LOC400499: variants seen among roughly 807,000 people sequenced by gnomAD.
chr16:11,438,220 A>T, the LOC400499 span, among the ~76,000 whole-genome samples: 1 of 152,344 alleles, frequency 6.6e-6, no homozygotes, highest in South Asian at 2.1e-4. Flanking sequence ...AATGGTTAAT[A>T]TGATGACATT....
the LOC400499 span, among the ~76,000 whole-genome samples, chr16:11,490,892 C>T: frequency 6.6e-6 from 1 of 152,186 alleles, no homozygotes; most frequent in Non-Finnish European, 1.5e-5. Context: ...GGAAGGAAGA[C>T]TAATTTTCCA....
At chr16:11,430,615 A>T in the LOC400499 span, among the ~76,000 whole-genome samples, 8 of 152,358 alleles carry the variant, frequency 5.3e-5, no homozygotes, top group African/African-American at 1.7e-4. Context: ...GGGAAATGTA[A>T]AATGTTAGTA....
At chr16:11,435,632 C>A in the LOC400499 span, 3 of 399,304 alleles carry the variant, frequency 7.5e-6, no homozygotes, top group Admixed American at 1.3e-4. Context: ...GGTCTCCCTG[C>A]CTCCTCGCAG....
the LOC400499 span, chr16:11,477,934 G>A: frequency 1.3e-5 from 5 of 398,890 alleles, no homozygotes; most frequent in Non-Finnish European, 1.3e-5. Context: ...GGGCAGGAAG[G>A]CCAGACACGG....
chr16:11,400,910 G>GC, the LOC400499 span, among the ~76,000 whole-genome samples: 1 of 151,988 alleles, frequency 6.6e-6, no homozygotes. Context: ...CACACCCGAG[G>GC]CCCCCCAGCC....
At chr16:11,463,825 A>C in the LOC400499 span, among the ~76,000 whole-genome samples, 1 of 152,146 alleles carries the variant, frequency 6.6e-6, no homozygotes, top group African/African-American at 2.4e-5. Context: ...GTGTGTATGG[A>C]CGTGTGTTTA....
chr16:11,512,712 T>C, the LOC400499 span, among the ~76,000 whole-genome samples: 2 of 152,158 alleles, frequency 1.3e-5, no homozygotes, highest in Non-Finnish European at 2.9e-5. Flanking sequence ...TTGTATGGTA[T>C]GTGAATTCTC....
chr16:11,488,156 G>C, the LOC400499 span, among the ~76,000 whole-genome samples: 1 of 151,336 alleles, frequency 6.6e-6, no homozygotes, highest in Non-Finnish European at 1.5e-5. Flanking sequence ...CCCGCCTCTT[G>C]GTGTACAGTA....
At chr16:11,476,182 A>G in the LOC400499 span, among the ~76,000 whole-genome samples, 1 of 151,596 alleles carries the variant, frequency 6.6e-6, no homozygotes, top group African/African-American at 2.4e-5. Flanking sequence ...AGGGGCAGGG[A>G]ACAGGGGCAG....
chr16:11,432,420 T>A, the LOC400499 span, among the ~76,000 whole-genome samples: 3 of 152,136 alleles, frequency 2.0e-5, no homozygotes, highest in African/African-American at 7.2e-5. Context: ...GCCCTGTGAG[T>A]TTTGAGAATA....
chr16:11,376,373 T>C, the LOC400499 span, among the ~76,000 whole-genome samples: 5 of 151,734 alleles, frequency 3.3e-5, no homozygotes, highest in Admixed American at 1.3e-4. Context: ...TTTCCCAACA[T>C]GTTATAAGGT....
the LOC400499 span, among the ~76,000 whole-genome samples, chr16:11,445,814 G>A: frequency 2.0e-5 from 3 of 149,094 alleles, no homozygotes; most frequent in African/African-American, 7.4e-5. Flanking sequence ...AAATGAAACA[G>A]AGAACCCAGT....
At chr16:11,433,541 T>C in the LOC400499 span, among the ~76,000 whole-genome samples, 1 of 152,204 alleles carries the variant, frequency 6.6e-6, no homozygotes, top group African/African-American at 2.4e-5. Context: ...TCCTAATCCC[T>C]TGGAACTAGA....
the LOC400499 span, among the ~76,000 whole-genome samples, chr16:11,497,036 G>C: frequency 6.6e-6 from 1 of 150,878 alleles, no homozygotes; most frequent in Non-Finnish European, 1.5e-5. Flanking sequence ...GTGTAGGTCT[G>C]TGTGTGTACA....
the LOC400499 span, among the ~76,000 whole-genome samples, chr16:11,484,087 A>G: frequency 2.9e-5 from 4 of 136,458 alleles, no homozygotes; most frequent in African/African-American, 8.6e-5. Context: ...GGCTCACTGC[A>G]AGCTCCGCCT....
At chr16:11,424,471 C>G in the LOC400499 span, 3 of 398,048 alleles carry the variant, frequency 7.5e-6, no homozygotes, top group Non-Finnish European at 1.3e-5. Flanking sequence ...CTAGAGCATC[C>G]CCTGAGCCCC....
At chr16:11,424,023 C>T in the LOC400499 span, 6 of 398,946 alleles carry the variant, frequency 1.5e-5, no homozygotes, top group African/African-American at 1.2e-4. Flanking sequence ...CTACGTCCCA[C>T]ACTCTGGGCA....
chr16:11,480,374 T>A, the LOC400499 span, among the ~76,000 whole-genome samples: 2 of 152,200 alleles, frequency 1.3e-5, no homozygotes, highest in African/African-American at 4.8e-5. Flanking sequence ...CATCCTGGTG[T>A]TCCCAAGCCC....
chr16:11,518,970 G>A, the LOC400499 span: 1 of 398,890 alleles, frequency 2.5e-6, no homozygotes, highest in Non-Finnish European at 4.4e-6. Flanking sequence ...AAGTCTTGGA[G>A]CTGAAGCACA....
Sources: gnomAD v4.1 joint callset for allele counts (sites outside exome capture counted in the v4.1 genomes callset) on GRCh38, gnomAD v4.1.1 for gene constraint, MANE v1.5 for transcripts.